The following EPS8L2 variants were observed in gnomAD, a reference collection of about 807,000 sequenced individuals.
The protein encoded by EPS8L2 is EPS8 signaling adaptor L2.
Under a neutral mutation model 99.4 loss-of-function variants are expected in EPS8L2, and 81 were observed. The observed-to-expected ratio is 0.82, with a 90% CI of 0.68 to 0.98. The LOEUF is 0.98. EPS8L2 is among the 50% of genes least tolerant of loss of function. EPS8L2 has a pLI of 0.00. For synonymous variants in EPS8L2, 509 were observed against 407.3 expected (o/e 1.25, Z -3.01); for missense variants, 1,155 against 968.8 (o/e 1.19, Z -2.55).
chr11:713,216 T>C (rs1397267513), intron 4 of EPS8L2, among the ~76,000 whole-genome samples: 1 of 152,218 alleles, frequency 6.6e-6, no homozygotes, highest in African/African-American at 2.4e-5. Flanking sequence ...CATGGTTTGC[T>C]TTTTTCTAAG....
chr11:707,687 C>T (rs1486647329), intron 1 of EPS8L2, among the ~76,000 whole-genome samples: 2 of 152,024 alleles, frequency 1.3e-5, no homozygotes, highest in Non-Finnish European at 2.9e-5. Context: ...GGACCCACCC[C>T]ACTGCTGCCC....
chr11:720,975 G>A, intron 7 of EPS8L2, 66 bp downstream of exon 7: 2 of 1,224,038 alleles, frequency 1.6e-6, no homozygotes, highest in South Asian at 1.4e-5. Context: ...GGGGAGGGGA[G>A]GAGCCGGCAG....
rs1336373092 is a variant in EPS8L2, at chr11:720,927, GC to G, written c.557+19del. 1 of 1,405,850 alleles carries G rather than the reference GC, an allele frequency of 7.1e-7. No individual in the cohort carries two copies. Among genetic ancestry groups the G allele is most frequent in the African/African-American group, 1.6e-5 (1 of 62,132 alleles). 87.1% of individuals were successfully genotyped at this position (1,405,850 alleles called of 1,614,324 possible). On this transcript the variant is annotated intron_variant, in intron 7 of 20. Coordinates refer to ENST00000318562, the MANE Select transcript of EPS8L2 (RefSeq NM_022772.4). Reference sequence around the variant, plus strand: ...ACCCTGAAGTAGGGCAGCGGGCGGAGCGGGGTCGCAGGGGGCGGGGAGGGGA... The same window carrying G: ...ACCCTGAAGTAGGGCAGCGGGCGGAGGGGGTCGCAGGGGGCGGGGAGGGGA...
chr11:710,114 C>A, intron 3 of EPS8L2: 1 of 408,856 alleles, frequency 2.4e-6, no homozygotes, highest in East Asian at 4.9e-5. Flanking sequence ...CGGGCTGGGA[C>A]CCCCTTCCTG....
Position 721,322 on chromosome 11 carries a change from C to T in EPS8L2, c.738C>T (p.Ala246=), listed in dbSNP as rs1334695288. 3 of 1,539,654 alleles carry T rather than the reference C, an allele frequency of 1.9e-6. No homozygotes were observed. Among genetic ancestry groups the T allele is most frequent in the Non-Finnish European group, 2.6e-6 (3 of 1,146,600 alleles). The part of the protein sequence containing the change: ...RRRESQEEPR[A]VLAQKIEKET... ...GGGAGTCGCAGGAGGAGCCGCGGGC[C>T]GTGCTGGCTCAGAAGATAGAGAAGG... Residue 246 remains alanine (A), a synonymous_variant, in exon 9 of 21, where the codon GCC becomes GCT. Coordinates refer to ENST00000318562, the MANE Select transcript of EPS8L2 (RefSeq NM_022772.4).
chr11:722,048 C>T (rs769563898), intron 11 of EPS8L2, 43 bp from the exon 12 acceptor site: 3 of 1,603,840 alleles, frequency 1.9e-6, no homozygotes, highest in Admixed American at 1.7e-5. Flanking sequence ...AGGGTGGAGG[C>T]CCCGCCCCGC....
chr11:709,488 A>G lies in EPS8L2; in HGVS notation c.44+37A>G, dbSNP rs1314330712. On this transcript the variant is annotated intron_variant, in intron 2 of 20. Transcript: ENST00000318562. ...CACCCATCCCGAATACCCCACCCTC[A>G]CCCTCTGAACAGTCCCCAGGGAGGG... is the stretch of plus-strand genomic sequence containing the variant. 3 of 1,492,918 alleles carry G rather than the reference A, an allele frequency of 2.0e-6. No homozygotes were observed. In the Admixed American group the frequency reaches 5.4e-5, roughly 27 times the overall value. The allele number at this position is 1,492,918 out of a possible 1,614,324, so 92.5% of individuals were successfully genotyped here.
At chr11:719,514 A>C (rs1862101144) in intron 4 of EPS8L2, among the ~76,000 whole-genome samples, 1 of 152,200 alleles carries the variant, frequency 6.6e-6, no homozygotes, top group African/African-American at 2.4e-5. Context: ...CATCCCGCAC[A>C]CACTTGTCGA....
intron 4 of EPS8L2, among the ~76,000 whole-genome samples, chr11:713,336 AC>A (rs1457399181): frequency 1.3e-5 from 2 of 152,074 alleles, no homozygotes; most frequent in Admixed American, 1.3e-4. Context: ...CTTGGTGGCT[AC>A]CCCCAACCTC....
At chr11:712,585 C>G (rs927754044) in intron 4 of EPS8L2, among the ~76,000 whole-genome samples, 5 of 152,246 alleles carry the variant, frequency 3.3e-5, no homozygotes, top group Admixed American at 2.6e-4. Context: ...GGTCCTCCTG[C>G]AGGACCAGTC....
In EPS8L2 at chr11:727,081, A is replaced by G; in HGVS notation, c.*100A>G. 1 of 878,640 alleles carries G rather than the reference A, an allele frequency of 1.1e-6. No individual in the cohort carries two copies. The highest frequency in any genetic ancestry group is 1.8e-6 in the Non-Finnish European group (1 of 558,742). The allele number at this position is 878,640 out of a possible 1,614,324, so 54.4% of individuals were successfully genotyped here. On this transcript the variant is annotated 3_prime_UTR_variant, in exon 21 of 21. Transcript: ENST00000318562. ...TATGTATTTTGTATCAAGGACACGG[A>G]GGGGGTGTGGTGCTGGCTAGAGGTC...
rs775517877 is a variant in EPS8L2, at chr11:723,363, C to T, written c.1454+10C>T. On this transcript the variant is annotated intron_variant, in intron 15 of 20. Transcript: ENST00000318562. ...CCCCACATACTCACAGGTAAGCCCC[C>T]CTCAAAGTGAGGGAGCATGAAAGTG... is the stretch of plus-strand genomic sequence containing the variant. 1.6e-6 allele frequency: 2 copies of T among 1,283,430 alleles called. No individual in the cohort carries two copies. The highest frequency in any genetic ancestry group is 2.4e-5 in the Admixed American group (1 of 42,120). The allele number at this position is 1,283,430 out of a possible 1,614,324, so 79.5% of individuals were successfully genotyped here.
In EPS8L2 at chr11:720,908, A is replaced by G. The variant is rs1188601746; in HGVS notation, c.556A>G (p.Lys186Glu). ...CAAGAAGATGCGGCCGCAGACCCTG[A>G]AGTAGGGCAGCGGGCGGAGCGGGGT... ...LGKKMRPQTL[K>E]GHQEKIRQRQ... The change falls in exon 7 of 21, where the codon AAG becomes GAG. Residue 186 changes from lysine to glutamate, a missense_variant and splice_region_variant. Physicochemically the swap from Lys to Glu is moderately conservative, Grantham distance 56. Coordinates refer to ENST00000318562, the MANE Select transcript of EPS8L2 (RefSeq NM_022772.4). 8.0e-7 allele frequency: 1 copy of G among 1,248,272 alleles called. No individual in the cohort carries two copies. Among genetic ancestry groups the G allele is most frequent in the Middle Eastern group, 3.0e-4 (1 of 3,302 alleles). The allele number at this position is 1,248,272 out of a possible 1,614,324, so 77.3% of individuals were successfully genotyped here.
intron 16 of EPS8L2, among the ~76,000 whole-genome samples, chr11:725,508 C>T (rs576362960): frequency 6.6e-6 from 1 of 152,150 alleles, no homozygotes; most frequent in East Asian, 1.9e-4. Flanking sequence ...GAGACCCTGT[C>T]TCCGAGAAAA....
Position 722,099 on chromosome 11 carries a change from G to A in EPS8L2, c.993G>A (p.Leu331=), listed in dbSNP as rs1862194729. 6 of 1,612,980 alleles carry A rather than the reference G, an allele frequency of 3.7e-6. No homozygotes were observed. Among genetic ancestry groups the A allele is most frequent in the Non-Finnish European group, 4.2e-6 (5 of 1,179,906 alleles). Residue 331 remains leucine (L), a synonymous_variant, in exon 12 of 21, where the codon CTG becomes CTA. Coordinates refer to ENST00000318562, the MANE Select transcript of EPS8L2 (RefSeq NM_022772.4). ...CTTGTTCCCACCCCCAGGCAAAGCTGCAGAAGCACATCCAGAACCCCAGCG... is the reference window on the plus strand; with the variant it reads ...CTTGTTCCCACCCCCAGGCAAAGCTACAGAAGCACATCCAGAACCCCAGCG... The part of the protein sequence containing the change: ...IKLAINLLAK[L]QKHIQNPSAA...
rs1279172278 is a variant in EPS8L2, at chr11:724,628, G to A, written c.1455-96G>A. 2 of 819,858 alleles carry A rather than the reference G, an allele frequency of 2.4e-6. No individual in the cohort carries two copies. Among genetic ancestry groups the A allele is most frequent in the Non-Finnish European group, 4.2e-6 (2 of 475,238 alleles). 50.8% of individuals were successfully genotyped at this position (819,858 alleles called of 1,614,324 possible). ...CTCCAGAACAGAAAAGAGGCAGCCA[G>A]TCGTGCACCTGGGAAGCTGCTGCCC... is the stretch of plus-strand genomic sequence containing the variant. On this transcript the variant is annotated intron_variant, in intron 15 of 20. Transcript: ENST00000318562. This position sits in a 1 kb window ranked among gnomAD's most constrained non-coding sequence, Gnocchi z 5.5.
At chr11:723,794 C>G (rs1481158478) in intron 15 of EPS8L2, among the ~76,000 whole-genome samples, 2 of 150,926 alleles carry the variant, frequency 1.3e-5, no homozygotes, top group Admixed American at 1.3e-4. Flanking sequence ...CCAAAGAGGA[C>G]AAAGAACAAG....
chr11:718,104 G>A (rs752417177), intron 4 of EPS8L2, among the ~76,000 whole-genome samples: 29 of 152,296 alleles, frequency 1.9e-4, no homozygotes, highest in Admixed American at 3.9e-4. Context: ...AGGCTGAGGC[G>A]GGCAGATAAC....
At chr11:710,268 C>A in intron 3 of EPS8L2, 154 bp from the exon 4 acceptor site, 1 of 691,404 alleles carries the variant, frequency 1.4e-6, no homozygotes. Context: ...CCTGCAGGTC[C>A]TGATTTCACA....
Sources: allele counts gnomAD v4.1 joint callset (sites outside exome capture counted in the v4.1 genomes callset), GRCh38; gene constraint gnomAD v4.1.1; non-coding constraint Gnocchi (gnomAD v3.1); transcripts MANE v1.5; gene names NCBI Gene and HGNC (gene_info 2026-07-23, HGNC 2026-07-21).